MACF1: variants seen among roughly 807,000 people sequenced by gnomAD.
The protein encoded by MACF1 is microtubule-actin cross-linking factor 1.
Under a neutral mutation model 854.8 loss-of-function variants are expected in MACF1, and 193 were observed. That is an observed-to-expected ratio of 0.23 (90% CI 0.20 to 0.25). MACF1 has a LOEUF of 0.25. Ranked by LOEUF, MACF1 falls within the 10% of genes least tolerant of loss-of-function variation. MACF1 has a pLI of 1.00. For synonymous variants in MACF1, 3,185 were observed against 3,226.7 expected, an observed-to-expected ratio of 0.99 and a Z score of 0.44; for missense variants, 7,722 against 8,929.1, an observed-to-expected ratio of 0.86 and a Z score of 5.45.
chr1:39,361,599 C>G lies in MACF1; in HGVS notation c.12693C>G (p.Phe4231Leu). 1 of 1,614,138 alleles carries G rather than the reference C, an allele frequency of 6.2e-7. No individual in the cohort carries two copies. The highest frequency in any genetic ancestry group is 8.5e-7 in the Non-Finnish European group (1 of 1,180,022). The change falls in exon 49 of 101, where the codon TTC (phenylalanine) becomes TTG (leucine). Residue 4231 changes from phenylalanine (F) to leucine (L), a missense_variant. Phe to Leu is a conservative substitution (Grantham distance 22). Coordinates refer to ENST00000564288, the MANE Select transcript of MACF1 (RefSeq NM_001394062.1). ...ACCTCTCTGGTAAGCTGCAGCAGTT[C>G]ATGGAAAACAAAAGTCGGATGCTGG... Reference protein sequence around the residue: ...FEHLSGKLQQFMENKSRMLAS... With the variant: ...FEHLSGKLQQLMENKSRMLAS...
rs142880857 is a variant in MACF1, at chr1:39,312,751, G to C, written c.3270+1751G>C. ...GAGGTATGAGAATCACTTGAACCCG[G>C]GAGGTGGAGGTTGCAGTGAGCCGAG... On this transcript the variant is annotated intron_variant, in intron 26 of 100. Coordinates refer to ENST00000564288, the MANE Select transcript of MACF1 (RefSeq NM_001394062.1). 2.9e-4 allele frequency among the ~76,000 whole-genome samples: 43 copies of C among 150,308 alleles called. No homozygotes were observed. In the East Asian group the frequency reaches 7.5e-3, roughly 26 times the overall value.
intron 26 of MACF1, among the ~76,000 whole-genome samples, chr1:39,314,932 A>G (rs1646382235): frequency 6.6e-6 from 1 of 152,096 alleles, no homozygotes; most frequent in Admixed American, 6.6e-5. Flanking sequence ...CTTCCCCTTC[A>G]GTGTGATTAT....
chr1:39,318,601 C>T lies in MACF1; in HGVS notation c.3931C>T (p.Leu1311Phe), dbSNP rs1646456831. The change falls in exon 30 of 101, where the codon CTC becomes TTC. Residue 1311 changes from leucine to phenylalanine, a missense_variant. Physicochemically the swap from Leu to Phe is conservative, Grantham distance 22. Transcript: ENST00000564288. Reference protein sequence around the residue: ...AEDSRVLSEQLSQQTALFAEI... With the variant: ...AEDSRVLSEQFSQQTALFAEI... ...GGATAGCAGAGTGCTTTCGGAGCAG[C>T]TCAGCCAGCAGACGGTGAGTGTGGT... 6.2e-7 allele frequency: 1 copy of T among 1,610,864 alleles called. No individual in the cohort carries two copies. The highest frequency in any genetic ancestry group is 8.5e-7 in the Non-Finnish European group (1 of 1,178,352).
At position 39,324,773 on chromosome 1, in the gene MACF1, C is replaced by T. The variant is rs754191790; in HGVS notation, c.4478+39C>T. 6.8e-5 allele frequency: 98 copies of T among 1,445,846 alleles called. 5 individuals are homozygous for T. In the South Asian group the frequency reaches 8.6e-4, roughly 13 times the overall value. 89.6% of individuals were successfully genotyped at this position (1,445,846 alleles called of 1,614,324 possible). A position where few individuals can be genotyped will look rare whatever the true frequency, so the allele number is the denominator to read the frequency against. ...GAGAGATTATGGCACATCTGGGGCACCTGGTCTATCAGTCTAAAACTTACA... is the reference window on the plus strand; with the variant it reads ...GAGAGATTATGGCACATCTGGGGCATCTGGTCTATCAGTCTAAAACTTACA... On this transcript the variant is annotated intron_variant, in intron 35 of 100. Coordinates refer to ENST00000564288, the MANE Select transcript of MACF1 (RefSeq NM_001394062.1).
chr1:39,413,902 G>T, intron 58 of MACF1: 1 of 1,608,814 alleles, frequency 6.2e-7, no homozygotes, highest in Non-Finnish European at 8.5e-7. Context: ...GGCCACCCTA[G>T]AGGAATTCAC....
chr1:39,090,287 C>T (rs1030657640), intron 2 of MACF1, among the ~76,000 whole-genome samples: 2 of 152,258 alleles, frequency 1.3e-5, no homozygotes, highest in African/African-American at 4.8e-5. Context: ...CTCAGAGTCT[C>T]TGGCCCTGTC....
chr1:39,451,899 G>A (rs1013238547), intron 85 of MACF1, among the ~76,000 whole-genome samples: 6 of 151,726 alleles, frequency 4.0e-5, no homozygotes, highest in African/African-American at 1.5e-4. Flanking sequence ...CTTGAGATTG[G>A]GTCTCGCCAT....
Position 39,287,345 on chromosome 1 carries a change from G to A in MACF1, c.1568G>A (p.Arg523Gln), listed in dbSNP as rs748193550. 1.5e-5 allele frequency: 25 copies of A among 1,614,074 alleles called. No individual in the cohort carries two copies. The highest frequency in any genetic ancestry group is 1.6e-4 in the Middle Eastern group (1 of 6,062). Residue 523 changes from arginine (R) to glutamine (Q), a missense_variant, in exon 15 of 101, where the codon CGG becomes CAG. Physicochemically the swap from Arg to Gln is conservative, Grantham distance 43 (BLOSUM62 1). Coordinates refer to ENST00000564288, the MANE Select transcript of MACF1 (RefSeq NM_001394062.1). ...TLRLECTNLY[R>Q]KGHFTSLELV... ...CGTCTAGAGTGTACAAACCTGTACC[G>A]GAAGGGTCATTTCACTTCACTTGAA...
intron 19 of MACF1, 58 bp from the exon 20 acceptor site, chr1:39,295,729 C>A: frequency 1.6e-6 from 2 of 1,235,426 alleles, no homozygotes; most frequent in Non-Finnish European, 2.3e-6. Context: ...TAGTATTGCG[C>A]ATATATATTG....
rs767675430 is a variant in MACF1 at position 39,427,494 on chromosome 1, G to A, written c.16356G>A (p.Gln5452=). 3.1e-6 allele frequency: 5 copies of A among 1,614,092 alleles called. No homozygotes were observed. In the South Asian group the frequency reaches 4.4e-5, roughly 14 times the overall value. ...AAGACATCCTGGTTCTGGCCAAACA[G>A]TTCCATGAGACAGCTGAGCCTATTT... ...QLEDILVLAK[Q]FHETAEPISD... is the part of the protein sequence containing the mutation. The change falls in exon 62 of 101, where the codon CAG becomes CAA. Residue 5452 remains glutamine, a synonymous_variant. Coordinates refer to ENST00000564288, the MANE Select transcript of MACF1 (RefSeq NM_001394062.1).
rs768959830 is a variant in MACF1 at position 39,368,155 on chromosome 1, A to G, written c.12779A>G (p.Asn4260Ser). ...TCCTTGTTTGCTTGACAGGAGCTCA[A>G]TTTGGAAATGGAAGACCAACAGGAG... ...THFFQQIQELNLEMEDQQENL... is the reference protein window; with the variant it reads ...THFFQQIQELSLEMEDQQENL... The change falls in exon 50 of 101, where the codon AAT (asparagine) becomes AGT (serine). Residue 4260 changes from asparagine (N) to serine (S), a missense_variant. By Grantham distance (46) the Asn-to-Ser change is conservative. Transcript: ENST00000564288. The G allele has an allele frequency of 4.3e-6, 7 of 1,613,842 alleles. No homozygotes were observed. The highest frequency in any genetic ancestry group is 4.5e-5 in the East Asian group (2 of 44,878).
At chr1:39,410,264 G>T (rs1278169091) in intron 58 of MACF1, 21 of 1,558,880 alleles carry the variant, frequency 1.3e-5, no homozygotes, top group Non-Finnish European at 1.8e-5. Flanking sequence ...GATTGAAAAA[G>T]GATGGGTAAG....
rs1424800049 is a variant in MACF1 at position 39,340,367 on chromosome 1, A to G, written c.10216-135A>G. On this transcript the variant is annotated intron_variant, in intron 38 of 100. Transcript: ENST00000564288. ...AGTGATTGTGAGAACCAAGTAAACT[A>G]ATGAATGTACATAAAAACATTTTCT... 3 of 632,648 alleles carry G rather than the reference A, an allele frequency of 4.7e-6. No individual in the cohort carries two copies. In the East Asian group the frequency reaches 8.2e-5, roughly 17 times the overall value. 39.2% of individuals were successfully genotyped at this position (632,648 alleles called of 1,614,324 possible).
chr1:39,142,303 A>G (rs1643362184), intron 2 of MACF1, among the ~76,000 whole-genome samples: 1 of 152,052 alleles, frequency 6.6e-6, no homozygotes, highest in Non-Finnish European at 1.5e-5. Context: ...GCAATATCCT[A>G]TATTTAGTGA....
At chr1:39,437,105 C>CAT (rs1483712594) in intron 70 of MACF1, among the ~76,000 whole-genome samples, 4 of 152,174 alleles carry the variant, frequency 2.6e-5, no homozygotes, top group African/African-American at 9.7e-5. Flanking sequence ...CAGATGTTGA[C>CAT]ATACTGACTC....
intron 2 of MACF1, among the ~76,000 whole-genome samples, chr1:39,121,902 G>A (rs116124909): frequency 3.4e-4 from 52 of 152,230 alleles, no homozygotes; most frequent in African/African-American, 1.2e-3. Context: ...ACCCAGGCCC[G>A]ATTAACTCCA....
rs185062079 is a variant in MACF1, at chr1:39,477,251, G to A, written c.21959-2547G>A. On this transcript the variant is annotated intron_variant, in intron 97 of 100. Coordinates refer to ENST00000564288, the MANE Select transcript of MACF1 (RefSeq NM_001394062.1). The stretch of plus-strand genomic sequence containing the variant: ...TTGTTGTTTTGGTTTTTGAGACAGC[G>A]TCTTAATTTCTCACCCAGGTTAGAG... Among the ~76,000 whole-genome samples, 25 of 151,516 alleles carry A rather than the reference G, an allele frequency of 1.6e-4. No individual in the cohort carries two copies. In the East Asian group the frequency reaches 3.3e-3, roughly 20 times the overall value.
Position 39,283,086 on chromosome 1 carries a change from T to G in MACF1, c.696-103T>G. 1 of 704,868 alleles carries G rather than the reference T, an allele frequency of 1.4e-6. No homozygotes were observed. The highest frequency in any genetic ancestry group is 1.8e-5 in the South Asian group (1 of 55,796). 43.7% of individuals were successfully genotyped at this position (704,868 alleles called of 1,614,324 possible). On this transcript the variant is annotated intron_variant, in intron 7 of 100. Coordinates refer to ENST00000564288, the MANE Select transcript of MACF1 (RefSeq NM_001394062.1). The surrounding 1 kb of genome is among the most constrained non-coding windows in gnomAD (Gnocchi z 4.5). Reference sequence around the variant, plus strand: ...CCTCCTGCTTTTTCTCTAACTCACTTAGTGTTTTTCAGCTCTGGGAACTTT... The same window carrying G: ...CCTCCTGCTTTTTCTCTAACTCACTGAGTGTTTTTCAGCTCTGGGAACTTT...
chr1:39,337,395 A>G (rs1646830804), intron 38 of MACF1, 64 bp downstream of exon 38: 1 of 1,551,560 alleles, frequency 6.4e-7, no homozygotes, highest in African/African-American at 1.4e-5. Flanking sequence ...ATCTTCCTTG[A>G]AGATTTCAAG....
Sources: allele counts gnomAD v4.1 joint callset (sites outside exome capture counted in the v4.1 genomes callset), GRCh38; gene constraint gnomAD v4.1.1; non-coding constraint Gnocchi (gnomAD v3.1); transcripts MANE v1.5; gene names NCBI Gene and HGNC (gene_info 2026-07-23, HGNC 2026-07-21).